CDH13: variants seen among roughly 807,000 people sequenced by gnomAD.
CDH13 encodes the protein cadherin 13.
A neutral mutation model predicts 63.8 loss-of-function variants in CDH13; 24 were observed. The observed-to-expected ratio is 0.38, with a 90% CI of 0.27 to 0.53. The LOEUF (loss-of-function observed/expected upper bound fraction) is 0.53, where lower values mean the gene tolerates loss of function less well. Ranked by LOEUF, CDH13 falls within the 20% of genes least tolerant of loss-of-function variation. The pLI is 0.85. For synonymous variants in CDH13, 503 were observed against 355.3 expected, an observed-to-expected ratio of 1.42 and a Z score of -4.67; for missense variants, 1,049 against 903.1, an observed-to-expected ratio of 1.16 and a Z score of -2.07.
chr16:82,950,344 A>T (rs1049394115), intron 2 of CDH13, among the ~76,000 whole-genome samples: 2 of 151,842 alleles, frequency 1.3e-5, no homozygotes, highest in Non-Finnish European at 2.9e-5. Flanking sequence ...TTTGGTAAGG[A>T]CGTGGTATGG....
chr16:83,214,900 A>G (rs2039451173), intron 4 of CDH13, among the ~76,000 whole-genome samples: 1 of 151,994 alleles, frequency 6.6e-6, no homozygotes, highest in Admixed American at 6.6e-5. Context: ...CGTGGAGTTC[A>G]TTCTCGCTAC....
intron 1 of CDH13, among the ~76,000 whole-genome samples, chr16:82,784,702 A>C (rs958151044): frequency 6.6e-6 from 1 of 152,126 alleles, no homozygotes; most frequent in South Asian, 2.1e-4. Flanking sequence ...AACTCTCTCT[A>C]TGGTGAGGTG....
At chr16:83,030,954 T>C (rs563788482) in intron 2 of CDH13, among the ~76,000 whole-genome samples, 2 of 151,740 alleles carry the variant, frequency 1.3e-5, no homozygotes, top group South Asian at 4.2e-4. Context: ...GGACTGAGCA[T>C]GAAAGAAATA....
intron 5 of CDH13, among the ~76,000 whole-genome samples, chr16:83,253,328 G>A (rs752390231): frequency 2.6e-5 from 4 of 152,154 alleles, no homozygotes; most frequent in Non-Finnish European, 5.9e-5. Context: ...CAGTGGATTC[G>A]ACACATTAAA....
intron 2 of CDH13, among the ~76,000 whole-genome samples, chr16:83,005,664 C>T (rs958159106): frequency 6.6e-6 from 1 of 152,244 alleles, no homozygotes; most frequent in African/African-American, 2.4e-5. Context: ...GTCAAATTCT[C>T]ATCACAGCTC....
At position 83,596,308 on chromosome 16, in the gene CDH13, A is replaced by G. The variant is rs75332499; in HGVS notation, c.961-6146A>G. Among the ~76,000 whole-genome samples, 168 of 152,244 alleles carry G rather than the reference A, an allele frequency of 1.1e-3. 2 individuals are homozygous for G. The highest frequency in any genetic ancestry group is 3.9e-3 in the African/African-American group (163 of 41,554). On this transcript the variant is annotated intron_variant, in intron 7 of 13. Coordinates refer to ENST00000567109, the MANE Select transcript of CDH13 (RefSeq NM_001257.5). The stretch of plus-strand genomic sequence containing the variant: ...TCCTCCCAAAACATTCAAGGCAAAA[A>G]TCCCTCTATTGGTCCTAGGAGTTCG...
chr16:83,432,640 C>T (rs1229345081), intron 6 of CDH13, among the ~76,000 whole-genome samples: 1 of 152,150 alleles, frequency 6.6e-6, no homozygotes, highest in African/African-American at 2.4e-5. Context: ...TCACTTCACT[C>T]TGGGTGGAGA....
chr16:83,533,460 A>G (rs946772318), intron 7 of CDH13, among the ~76,000 whole-genome samples: 1 of 152,104 alleles, frequency 6.6e-6, no homozygotes, highest in African/African-American at 2.4e-5. Context: ...ACAGACAGGA[A>G]GTCGGATCTG....
At chr16:82,881,871 C>G (rs928850774) in intron 2 of CDH13, among the ~76,000 whole-genome samples, 1 of 152,092 alleles carries the variant, frequency 6.6e-6, no homozygotes, top group African/African-American at 2.4e-5. Context: ...GAGCTCACCC[C>G]TTTTTGAGGC....
At chr16:83,122,692 A>T (rs963977618) in intron 3 of CDH13, among the ~76,000 whole-genome samples, 1 of 152,180 alleles carries the variant, frequency 6.6e-6, no homozygotes, top group African/African-American at 2.4e-5. Flanking sequence ...TTTTATTTTT[A>T]AAATTTTTTT....
chr16:83,592,836 G>T (rs939805820), intron 7 of CDH13, among the ~76,000 whole-genome samples: 2 of 152,152 alleles, frequency 1.3e-5, no homozygotes, highest in Non-Finnish European at 2.9e-5. Context: ...GTTCACATTC[G>T]TACCAAGAGG....
At chr16:83,582,543 G>T (rs1312273307) in intron 7 of CDH13, among the ~76,000 whole-genome samples, 2 of 152,098 alleles carry the variant, frequency 1.3e-5, no homozygotes, top group Admixed American at 6.6e-5. Context: ...GGGATAAATG[G>T]ATCCTTCCCA....
At chr16:83,625,559 T>C (rs1910221606) in intron 8 of CDH13, among the ~76,000 whole-genome samples, 1 of 152,222 alleles carries the variant, frequency 6.6e-6, no homozygotes, top group African/African-American at 2.4e-5. Context: ...CAAGATTTGT[T>C]CTTTACCTCT....
intron 1 of CDH13, among the ~76,000 whole-genome samples, chr16:82,683,036 C>G (rs1022169985): frequency 2.0e-5 from 3 of 152,120 alleles, no homozygotes; most frequent in African/African-American, 7.2e-5. Context: ...CTGAACTTAG[C>G]CAAGTTATTC....
At chr16:83,451,057 A>T (rs2072874135) in intron 6 of CDH13, among the ~76,000 whole-genome samples, 1 of 152,178 alleles carries the variant, frequency 6.6e-6, no homozygotes, top group Admixed American at 6.5e-5. Context: ...GCCCCCAGTG[A>T]TGCTGCTGGT....
chr16:82,992,216 C>T (rs1911737699), intron 2 of CDH13, among the ~76,000 whole-genome samples: 1 of 152,146 alleles, frequency 6.6e-6, no homozygotes, highest in Non-Finnish European at 1.5e-5. Context: ...GCTGGGAAAG[C>T]ATGGCCTTAT....
intron 1 of CDH13, among the ~76,000 whole-genome samples, chr16:82,750,533 T>C (rs2034370697): frequency 6.6e-6 from 1 of 152,246 alleles, no homozygotes; most frequent in African/African-American, 2.4e-5. Flanking sequence ...ACTAATGATC[T>C]GACATAGACT....
chr16:82,968,839 G>A (rs947194511), intron 2 of CDH13, among the ~76,000 whole-genome samples: 1 of 152,146 alleles, frequency 6.6e-6, no homozygotes, highest in Non-Finnish European at 1.5e-5. Context: ...TAATAATAAG[G>A]CTGGGTGTAG....
chr16:83,771,099 G>A (rs403070), intron 11 of CDH13, among the ~76,000 whole-genome samples: 101,581 of 151,942 alleles, frequency 0.67, 34,310 homozygotes, highest in Admixed American at 0.71. Flanking sequence ...CAAAGCAACA[G>A]CCTGCCTGGT....
Sources: gnomAD v4.1 joint callset for allele counts (sites outside exome capture counted in the v4.1 genomes callset) on GRCh38, gnomAD v4.1.1 for gene constraint, MANE v1.5 for transcripts, NCBI Gene and HGNC (gene_info 2026-07-23, HGNC 2026-07-21) for gene names.